NUP98: variants seen among roughly 807,000 people sequenced by gnomAD.
NUP98 encodes the protein nuclear pore complex protein Nup98-Nup96.
Under a neutral mutation model 191.9 loss-of-function variants are expected in NUP98, and 26 were observed. That is an observed-to-expected ratio of 0.14 (90% confidence interval 0.10 to 0.19). The LOEUF (loss-of-function observed/expected upper bound fraction) is 0.19, where lower values mean the gene tolerates loss of function less well. Among genes scored for constraint, NUP98 ranks in the 10% least tolerant of loss-of-function variants. NUP98 has a pLI of 1.00. For synonymous variants in NUP98, 808 were observed against 778.4 expected, an observed-to-expected ratio of 1.04 and a Z score of -0.63; for missense variants, 1,941 against 2,178.8, an observed-to-expected ratio of 0.89 and a Z score of 2.17.
chr11:3,705,283 G>A lies in NUP98; in HGVS notation c.2999C>T (p.Pro1000Leu), dbSNP rs550595763. The A allele has an allele frequency of 6.2e-7, 1 of 1,614,182 alleles. No individual in the cohort carries two copies. The highest frequency in any genetic ancestry group is 1.1e-5 in the South Asian group (1 of 91,088). The change falls in exon 22 of 33, where the codon CCT becomes CTT. Residue 1000 changes from proline to leucine, a missense_variant. This residue lies in a region of NUP98 where 1,030 missense variants were observed against 1,115.8 expected (regional missense o/e 0.92). Coordinates refer to ENST00000324932, the MANE Select transcript of NUP98 (RefSeq NM_016320.5). ...TTCTTGAGAAGTATCTGCTTTGGAAGGCAGGCGACTGAAGCGTTGATCCAG... is the reference window on the plus strand; with the variant it reads ...TTCTTGAGAAGTATCTGCTTTGGAAAGCAGGCGACTGAAGCGTTGATCCAG... ...MALDQRFSRL[P>L]SKADTSQEIC...
At chr11:3,714,765 T>C (rs969520136) in intron 18 of NUP98, 1 of 152,634 alleles carries the variant, frequency 6.6e-6, no homozygotes, top group African/African-American at 2.4e-5. Flanking sequence ...TTTTAATTTT[T>C]AAAATAAAAA....
At chr11:3,735,101 C>A in intron 13 of NUP98, 90 bp downstream of exon 13, 1 of 1,217,886 alleles carries the variant, frequency 8.2e-7, no homozygotes, top group East Asian at 2.7e-5. Flanking sequence ...TTGCTTAATC[C>A]CTTAATATAT....
At chr11:3,745,185 T>C (rs1283905211) in intron 11 of NUP98, among the ~76,000 whole-genome samples, 1 of 152,094 alleles carries the variant, frequency 6.6e-6, no homozygotes, top group Non-Finnish European at 1.5e-5. Context: ...TTCTTAAAAT[T>C]CAATACTTGC....
At chr11:3,770,200 G>A (rs1444021737) in intron 7 of NUP98, among the ~76,000 whole-genome samples, 3 of 152,154 alleles carry the variant, frequency 2.0e-5, no homozygotes, top group Non-Finnish European at 4.4e-5. Context: ...TAAAAAATTG[G>A]CCAGGCATGG....
intron 11 of NUP98, among the ~76,000 whole-genome samples, chr11:3,746,294 A>AAAAAAAAAAAACG (rs144936005): frequency 8.6e-5 from 8 of 93,084 alleles, no homozygotes; most frequent in Admixed American, 1.3e-4. Context: ...AAAAAAAAAA[A>AAAAAAAAAAAACG]GACAGCTTTG....
intron 2 of NUP98, among the ~76,000 whole-genome samples, chr11:3,781,034 A>T (rs1031033026): frequency 6.6e-6 from 1 of 151,956 alleles, no homozygotes; most frequent in African/African-American, 2.4e-5. Context: ...GAGCTGAGAA[A>T]AATGAGCCAG....
At chr11:3,738,789 A>AAG (rs928040704) in intron 12 of NUP98, among the ~76,000 whole-genome samples, 1 of 150,408 alleles carries the variant, frequency 6.6e-6, no homozygotes, top group African/African-American at 2.5e-5. Flanking sequence ...AAAAAAAAAA[A>AAG]AAAAAAAAAG....
intron 1 of NUP98, among the ~76,000 whole-genome samples, chr11:3,795,036 TACC>T (rs1287911320): frequency 6.6e-6 from 1 of 152,236 alleles, no homozygotes; most frequent in Non-Finnish European, 1.5e-5. Flanking sequence ...CCAGGTTAAC[TACC>T]ACCACATAAA....
At chr11:3,732,551 A>G (rs2079887637) in intron 13 of NUP98, among the ~76,000 whole-genome samples, 1 of 152,230 alleles carries the variant, frequency 6.6e-6, no homozygotes, top group Non-Finnish European at 1.5e-5. Context: ...AAAAAGGCAG[A>G]TACTAGCTTG....
chr11:3,700,487 AG>A (rs745919445), intron 24 of NUP98, 122 bp downstream of exon 24: 13 of 594,300 alleles, frequency 2.2e-5, no homozygotes, highest in African/African-American at 2.1e-4. Flanking sequence ...ACTCAACCTC[AG>A]AAAATGACAA....
At chr11:3,792,943 C>A (rs1160518509) in intron 1 of NUP98, among the ~76,000 whole-genome samples, 1 of 151,922 alleles carries the variant, frequency 6.6e-6, no homozygotes, top group Non-Finnish European at 1.5e-5. Context: ...AACCCCGTCT[C>A]TACTAAAAAT....
At position 3,735,382 on chromosome 11, in the gene NUP98, A is replaced by G. The variant is rs1246215197; in HGVS notation, c.1409-58T>C. ...TATATATATATAAATGCAAGGATACAATGCATTTGTAACACAGAGCTCGGT... is the reference window on the plus strand; with the variant it reads ...TATATATATATAAATGCAAGGATACGATGCATTTGTAACACAGAGCTCGGT... On this transcript the variant is annotated intron_variant, in intron 12 of 32. Transcript: ENST00000324932. 1.9e-5 allele frequency: 18 copies of G among 964,104 alleles called. No individual in the cohort carries two copies. In the South Asian group the frequency reaches 5.8e-4, roughly 31 times the overall value. 59.7% of individuals were successfully genotyped at this position (964,104 alleles called of 1,614,324 possible). A position where few individuals can be genotyped will look rare whatever the true frequency, so the allele number is the denominator to read the frequency against.
At chr11:3,732,842 T>C (rs2079896257) in intron 13 of NUP98, among the ~76,000 whole-genome samples, 1 of 152,218 alleles carries the variant, frequency 6.6e-6, no homozygotes, top group Non-Finnish European at 1.5e-5. Flanking sequence ...GTGCAAGCTG[T>C]TTACACTTAA....
Position 3,773,958 on chromosome 11 carries a change from C to T in NUP98, c.496-219G>A, listed in dbSNP as rs180733509. 1.9e-3 allele frequency among the ~76,000 whole-genome samples: 290 copies of T among 152,232 alleles called. 1 individual carries two copies. Among genetic ancestry groups the T allele is most frequent in the Middle Eastern group, 3.4e-3 (1 of 294 alleles). On this transcript the variant is annotated intron_variant, in intron 5 of 32. Coordinates refer to ENST00000324932, the MANE Select transcript of NUP98 (RefSeq NM_016320.5). ...ATCTTAGTAACAAAGTAATCACAAA[C>T]GCAGGGATTAATCCCATAACCCAAG...
At chr11:3,685,712 T>G (rs1350296099) in intron 29 of NUP98, among the ~76,000 whole-genome samples, 7 of 152,242 alleles carry the variant, frequency 4.6e-5, no homozygotes, top group African/African-American at 1.7e-4. Context: ...CAGAGATCTT[T>G]TTTTCTCAGA....
chr11:3,780,590 C>A (rs1296389825), intron 2 of NUP98, among the ~76,000 whole-genome samples: 1 of 150,372 alleles, frequency 6.7e-6, no homozygotes, highest in Non-Finnish European at 1.5e-5. Flanking sequence ...AGAAAAACTT[C>A]CTCTATTATT....
Position 3,778,880 on chromosome 11 carries a change from G to C in NUP98, c.348C>G (p.Gly116=). The C allele has an allele frequency of 6.2e-7, 1 of 1,613,870 alleles. No homozygotes were observed. The highest frequency in any genetic ancestry group is 1.1e-5 in the South Asian group (1 of 90,998). Residue 116 remains glycine, a synonymous_variant, in exon 4 of 33, where the codon GGC becomes GGG. Coordinates refer to ENST00000324932, the MANE Select transcript of NUP98 (RefSeq NM_016320.5). ...CAGTGATGTCCCACTTACTGCCAAA[G>C]CCAGTTGGTTTATTTTGTGCAAAGG... ...NNAFAQNKPT[G]FGNFGTSTSS...
intron 5 of NUP98, among the ~76,000 whole-genome samples, chr11:3,775,514 C>A (rs1264764835): frequency 2.0e-5 from 3 of 149,038 alleles, no homozygotes; most frequent in Non-Finnish European, 3.0e-5. Flanking sequence ...CCAGCCTGGG[C>A]AACAAGAGCG....
chr11:3,757,099 ATATATATATATC>A (rs1359381008), intron 10 of NUP98, among the ~76,000 whole-genome samples: 1 of 142,608 alleles, frequency 7.0e-6, no homozygotes, highest in African/African-American at 2.7e-5. Context: ...AAAAAAAAAT[ATATATATATATC>A]TATATATCTA....
Sources: gnomAD v4.1 joint callset for allele counts (sites outside exome capture counted in the v4.1 genomes callset) on GRCh38, gnomAD v4.1.1 for gene constraint, gnomAD v4.1.1 regional missense constraint, MANE v1.5 for transcripts, NCBI Gene and HGNC (gene_info 2026-07-23, HGNC 2026-07-21) for gene names.